The following SEM1 variants were observed in gnomAD, a reference collection of about 807,000 sequenced individuals.
SEM1 encodes SEM1 26S proteasome subunit.
Under a neutral mutation model 12.7 loss-of-function variants are expected in SEM1, and 3 were observed. The observed-to-expected ratio is 0.24, with a 90% CI of 0.11 to 0.61. The LOEUF (loss-of-function observed/expected upper bound fraction) is 0.61. Ranked by LOEUF, SEM1 falls within the 20% of genes least tolerant of loss-of-function variation. The pLI, the probability that SEM1 is intolerant of heterozygous loss-of-function variation, is 0.88. For synonymous variants in SEM1, 30 were observed against 27.8 expected, an observed-to-expected ratio of 1.08 and a Z score of -0.25; for missense variants, 59 against 81.3, an observed-to-expected ratio of 0.73 and a Z score of 1.06.
At position 96,583,309 on chromosome 7, in the gene SEM1, T is replaced by C. The variant is rs1409941319; in HGVS notation, c.171-76611A>G. Among the ~76,000 whole-genome samples, 4 of 145,582 alleles carry C rather than the reference T, an allele frequency of 2.7e-5. 1 individual carries two copies. The highest frequency in any genetic ancestry group is 1.0e-4 in the African/African-American group (4 of 39,306). On this transcript the variant is annotated intron_variant and NMD_transcript_variant, in intron 2 of 3. Coordinates refer to the SEM1 transcript ENST00000466986. The stretch of plus-strand genomic sequence containing the variant: ...GAGTGAGTTTCTTAATCCTGAGTTA[T>C]AGTTTGATTGCACTGTGGTCTGAGA...
intron 2 of SEM1, among the ~76,000 whole-genome samples, chr7:96,585,221 C>A (rs1220648306): frequency 6.6e-6 from 1 of 152,112 alleles, no homozygotes; most frequent in Non-Finnish European, 1.5e-5. Context: ...TGTTGGAATA[C>A]CCTGCCGTGT....
rs553707932 is a variant in SEM1, at chr7:96,682,069, G to A, written c.171-8210C>T. Reference sequence around the variant, plus strand: ...GTCCTCTCTTATTTCCTTGAGCAGTGGTTTGTAGTTCTCCTTGAAGAGGTC... The same window carrying A: ...GTCCTCTCTTATTTCCTTGAGCAGTAGTTTGTAGTTCTCCTTGAAGAGGTC... On this transcript the variant is annotated intron_variant, in intron 2 of 2. Coordinates refer to the SEM1 transcript ENST00000413065. 8.9e-4 allele frequency among the ~76,000 whole-genome samples: 135 copies of A among 152,064 alleles called. 1 individual carries two copies. The highest frequency in any genetic ancestry group is 1.7e-3 in the Non-Finnish European group (113 of 67,952).
intron 3 of SEM1, among the ~76,000 whole-genome samples, chr7:96,484,350 G>A (rs1329225894): frequency 6.6e-6 from 1 of 152,152 alleles, no homozygotes; most frequent in Non-Finnish European, 1.5e-5. Context: ...TCTCTATAGA[G>A]TGAAGTTCTT....
chr7:96,698,525 C>A (rs1288740842), intron 1 of SEM1, among the ~76,000 whole-genome samples: 1 of 152,108 alleles, frequency 6.6e-6, no homozygotes, highest in African/African-American at 2.4e-5. Context: ...GTTAGGTTTT[C>A]TGTTCTTGTG....
At chr7:96,673,637 C>A in exon 3 of SEM1, 1 of 656,594 alleles carries the variant, frequency 1.5e-6, no homozygotes, top group Non-Finnish European at 2.8e-6. Context: ...CCACCCCACT[C>A]CCTCCTTACT....
At chr7:96,588,345 TAA>T (rs1326003423) in intron 2 of SEM1, among the ~76,000 whole-genome samples, 2 of 98,780 alleles carry the variant, frequency 2.0e-5, no homozygotes, top group East Asian at 6.3e-4. Context: ...AGATCATGTC[TAA>T]AAACAAACAC....
chr7:96,523,308 C>T (rs1804343935), intron 2 of SEM1, among the ~76,000 whole-genome samples: 4 of 152,000 alleles, frequency 2.6e-5, no homozygotes, highest in South Asian at 4.2e-4. Flanking sequence ...TCCAGTCTGA[C>T]GAGAGTATAT....
intron 1 of SEM1, among the ~76,000 whole-genome samples, chr7:96,702,655 A>G (rs151287674): frequency 2.6e-5 from 4 of 152,336 alleles, no homozygotes; most frequent in African/African-American, 7.2e-5. Context: ...TGATCACTGG[A>G]ATACTGTATT....
At chr7:96,638,101 G>GT (rs1446582193) in intron 2 of SEM1, among the ~76,000 whole-genome samples, 1 of 152,020 alleles carries the variant, frequency 6.6e-6, no homozygotes, top group Non-Finnish European at 1.5e-5. Context: ...ACATGGTATT[G>GT]TTTTTATACT....
chr7:96,617,322 C>T (rs1434768037), intron 2 of SEM1, among the ~76,000 whole-genome samples: 1 of 151,980 alleles, frequency 6.6e-6, no homozygotes, highest in Non-Finnish European at 1.5e-5. Context: ...TAAGTAGACT[C>T]ACCTTCTTGA....
At chr7:96,483,298 T>C (rs1461152137) in exon 4 of SEM1, 1 of 154,356 alleles carries the variant, frequency 6.5e-6, no homozygotes, top group African/African-American at 2.4e-5. Flanking sequence ...GCCACATGGG[T>C]AAGAAGTGGT....
chr7:96,489,783 T>G (rs1802929208), intron 1 of SEM1, among the ~76,000 whole-genome samples: 1 of 152,184 alleles, frequency 6.6e-6, no homozygotes, highest in Non-Finnish European at 1.5e-5. Flanking sequence ...TGTATCACTC[T>G]AGTCTCTGCC....
rs117802389 is a variant in SEM1, at chr7:96,598,521, G to T, written c.171-91823C>A. On this transcript the variant is annotated intron_variant and NMD_transcript_variant, in intron 2 of 3. Transcript: ENST00000466986. ...GATCCTACTTTTACATTTAATTAAG[G>T]TAATCCTTCAATCTACATCCTCTTG... Among the ~76,000 whole-genome samples, 711 of 151,952 alleles carry T rather than the reference G, an allele frequency of 4.7e-3. 3 individuals carry two copies. Among genetic ancestry groups the T allele is most frequent in the Non-Finnish European group, 8.4e-3 (571 of 67,966 alleles).
chr7:96,547,783 C>A (rs530724615), intron 2 of SEM1, among the ~76,000 whole-genome samples: 63 of 152,144 alleles, frequency 4.1e-4, no homozygotes, highest in African/African-American at 1.3e-3. Context: ...CCGCACTGGG[C>A]CCGGATCTTC....
chr7:96,662,242 A>G (rs867580538), intron 2 of SEM1, among the ~76,000 whole-genome samples: 1 of 152,174 alleles, frequency 6.6e-6, no homozygotes, highest in South Asian at 2.1e-4. Context: ...CTGCAGCACT[A>G]TTTACAATAG....
At chr7:96,496,463 TCTC>T, upstream of SEM1, 1 of 546,424 alleles carries the variant, frequency 1.8e-6, no homozygotes, top group East Asian at 2.9e-5. Context: ...ACATATGTTT[TCTC>T]CTATTTATTT....
chr7:96,583,279 G>A (rs2116074250), intron 2 of SEM1, among the ~76,000 whole-genome samples: 1 of 147,922 alleles, frequency 6.8e-6, no homozygotes, highest in South Asian at 2.3e-4. Context: ...TAGTTGAGCG[G>A]TTTTGAGTGA....
chr7:96,687,668 GAT>G (rs1789802278), downstream of SEM1, among the ~76,000 whole-genome samples: 1 of 151,980 alleles, frequency 6.6e-6, no homozygotes, highest in South Asian at 2.1e-4. Flanking sequence ...AGCATTAAGA[GAT>G]ATACCTAATG....
intron 1 of SEM1, chr7:96,695,710 T>C (rs556402778): frequency 7.2e-5 from 11 of 151,972 alleles, no homozygotes; most frequent in Admixed American, 1.3e-4. Flanking sequence ...GGGGGTGACA[T>C]AACTCAAAAT....
Sources: gnomAD v4.1 joint callset for allele counts (sites outside exome capture counted in the v4.1 genomes callset) on GRCh38, gnomAD v4.1.1 for gene constraint, MANE v1.5 for transcripts, NCBI Gene and HGNC (gene_info 2026-07-23, HGNC 2026-07-21) for gene names.